PAK1IP1: variants seen among roughly 807,000 people sequenced by gnomAD.
The protein encoded by PAK1IP1 is p21-activated protein kinase-interacting protein 1.
PAK1IP1 carries 24 observed loss-of-function variants against 42.0 expected under a neutral mutation model. That is an observed-to-expected ratio of 0.57 (90% confidence interval 0.41 to 0.80). The LOEUF (loss-of-function observed/expected upper bound fraction) is 0.80, where lower values mean the gene tolerates loss of function less well. PAK1IP1 is among the 30% of genes least tolerant of loss of function. The pLI is 0.00. For synonymous variants in PAK1IP1, 154 were observed against 156.7 expected (o/e 0.98, Z 0.13); for missense variants, 411 against 467.9 (o/e 0.88, Z 1.12).
Position 10,709,051 on chromosome 6 carries a change from T to G in PAK1IP1, c.939T>G (p.Leu313=). 6.2e-7 allele frequency: 1 copy of G among 1,613,632 alleles called. No homozygotes were observed. The part of the protein sequence containing the change: ...LDKVADMKES[L]PPAAEPSPVS... The stretch of plus-strand genomic sequence containing the variant: ...AAGTGGCAGACATGAAAGAAAGCCT[T>G]CCTCCAGCTGCAGAGCCTTCTCCTG... Residue 313 remains leucine (L), a synonymous_variant, in exon 9 of 10, where the codon CTT becomes CTG. Transcript: ENST00000379568.
chr6:10,691,433 A>C (rs984927951), upstream of PAK1IP1, among the ~76,000 whole-genome samples: 1 of 152,098 alleles, frequency 6.6e-6, no homozygotes, highest in Non-Finnish European at 1.5e-5. Flanking sequence ...ATGCACCGGT[A>C]ATTAGAACGG....
rs1010272472 is a variant in PAK1IP1, at chr6:10,709,675, T to C, written c.*223T>C. The C allele has an allele frequency of 2.0e-5, 6 of 302,144 alleles. No individual in the cohort carries two copies. Among genetic ancestry groups the C allele is most frequent in the Non-Finnish European group, 2.9e-5 (5 of 172,682 alleles). The allele number at this position is 302,144 out of a possible 1,614,324, so 18.7% of individuals were successfully genotyped here. On this transcript the variant is annotated 3_prime_UTR_variant, in exon 10 of 10. Coordinates refer to ENST00000379568, the MANE Select transcript of PAK1IP1 (RefSeq NM_017906.3). ...TTATGAATTATGTATCATGTTGATA[T>C]ATAATATGTTAATGTGTCATGTAAT...
intron 2 of PAK1IP1, among the ~76,000 whole-genome samples, chr6:10,701,051 TTTTC>T (rs1466309014): frequency 4.0e-5 from 6 of 151,844 alleles, no homozygotes; most frequent in Non-Finnish European, 8.8e-5. Flanking sequence ...TGGTGTTTGG[TTTTC>T]TTTTTCTTTT....
upstream of PAK1IP1, chr6:10,694,437 G>A (rs905418538): frequency 6.5e-6 from 1 of 154,464 alleles, no homozygotes; most frequent in African/African-American, 2.4e-5. Context: ...TCAAGGCAGC[G>A]CGAGCGCTGC....
Position 10,709,593 on chromosome 6 carries a change from T to A in PAK1IP1, c.*141T>A. 2.6e-6 allele frequency: 1 copy of A among 384,734 alleles called. No homozygotes were observed. Among genetic ancestry groups the A allele is most frequent in the Non-Finnish European group, 4.3e-6 (1 of 234,158 alleles). 23.8% of individuals were successfully genotyped at this position (384,734 alleles called of 1,614,324 possible). A position where few individuals can be genotyped will look rare whatever the true frequency, so the allele number is the denominator to read the frequency against. ...TATATATTAAAAAACCACTTTTAGATGGTTTTTTTTAAAAAAAAAAAAAAA... is the reference window on the plus strand; with the variant it reads ...TATATATTAAAAAACCACTTTTAGAAGGTTTTTTTTAAAAAAAAAAAAAAA... On this transcript the variant is annotated 3_prime_UTR_variant, in exon 10 of 10. Transcript: ENST00000379568.
At chr6:10,694,922 T>A (rs1403450509), upstream of PAK1IP1, 1 of 872,222 alleles carries the variant, frequency 1.1e-6, no homozygotes, top group Non-Finnish European at 1.7e-6. Context: ...TTTTTTTTTT[T>A]GGTTTCCGGT....
intron 5 of PAK1IP1, among the ~76,000 whole-genome samples, chr6:10,704,197 T>A (rs1471074774): frequency 2.0e-5 from 3 of 151,968 alleles, no homozygotes; most frequent in African/African-American, 7.2e-5. Context: ...ATTTTTTGTA[T>A]TTTTTGGTAG....
At chr6:10,693,790 G>C (rs1282285943), upstream of PAK1IP1, among the ~76,000 whole-genome samples, 1 of 152,146 alleles carries the variant, frequency 6.6e-6, no homozygotes, top group Non-Finnish European at 1.5e-5. Context: ...ATGCAGTGGA[G>C]CGATCTCGGC....
chr6:10,698,194 C>A (rs545956913), intron 2 of PAK1IP1, among the ~76,000 whole-genome samples: 4 of 151,438 alleles, frequency 2.6e-5, no homozygotes, highest in South Asian at 2.1e-4. Context: ...GAAGAGAACA[C>A]CTAGTTTCAA....
At position 10,709,495 on chromosome 6, in the gene PAK1IP1, TCTA is replaced by T. The variant is rs1770315158; in HGVS notation, c.*46_*48del. The T allele has an allele frequency of 1.4e-6, 2 of 1,384,148 alleles. No individual in the cohort carries two copies. Among genetic ancestry groups the T allele is most frequent in the Non-Finnish European group, 2.0e-6 (2 of 1,011,096 alleles). 85.7% of individuals were successfully genotyped at this position (1,384,148 alleles called of 1,614,324 possible). A position where few individuals can be genotyped will look rare whatever the true frequency, so the allele number is the denominator to read the frequency against. On this transcript the variant is annotated 3_prime_UTR_variant, in exon 10 of 10. Coordinates refer to ENST00000379568, the MANE Select transcript of PAK1IP1 (RefSeq NM_017906.3). ...AAAGAACTCTTTTAGATGAAATCAT[TCTA>T]CTCAAATGTACCTTAATTTTTTTTT... is the stretch of plus-strand genomic sequence containing the variant.
intron 7 of PAK1IP1, 21 bp from the exon 8 acceptor site, chr6:10,707,394 G>T (rs750380996): frequency 9.6e-6 from 12 of 1,254,956 alleles, no homozygotes; most frequent in Non-Finnish European, 1.2e-5. Context: ...ATCTTTTATG[G>T]TGTTAATATT....
At position 10,695,062 on chromosome 6, in the gene PAK1IP1, A is replaced by G. The variant is rs1339009310; in HGVS notation, c.77A>G (p.Asp26Gly). ...CACCCGGAGCCCGAGGCTTGCGGCG[A>G]CCACGAGGTGAGATACCGCGTAGTT... ...AVHPEPEACG[D>G]HEQWTLVADF... The change falls in exon 1 of 10, where the codon GAC becomes GGC. Residue 26 changes from aspartate to glycine, a missense_variant. Asp to Gly is a moderately conservative substitution (Grantham distance 94, BLOSUM62 -1). Transcript: ENST00000379568. 3 of 1,595,318 alleles carry G rather than the reference A, an allele frequency of 1.9e-6. No individual in the cohort carries two copies. The highest frequency in any genetic ancestry group is 1.3e-5 in the African/African-American group (1 of 74,618).
At chr6:10,692,718 G>A (rs930385760), upstream of PAK1IP1, among the ~76,000 whole-genome samples, 1 of 152,010 alleles carries the variant, frequency 6.6e-6, no homozygotes, top group African/African-American at 2.4e-5. Flanking sequence ...CACTGCGTCT[G>A]GCCATTTTAT....
chr6:10,693,462 C>T (rs1199778545), upstream of PAK1IP1, among the ~76,000 whole-genome samples: 1 of 152,224 alleles, frequency 6.6e-6, no homozygotes, highest in African/African-American at 2.4e-5. Flanking sequence ...TTCTGCAAGA[C>T]CCAAACTAGC....
At chr6:10,707,565 A>C (rs757744919) in intron 8 of PAK1IP1, 51 bp downstream of exon 8, 2 of 1,131,432 alleles carry the variant, frequency 1.8e-6, no homozygotes, top group African/African-American at 3.1e-5. Flanking sequence ...TCTTGCTCAT[A>C]AGTGAGGTGG....
upstream of PAK1IP1, among the ~76,000 whole-genome samples, chr6:10,693,905 T>C (rs1417446113): frequency 6.6e-6 from 1 of 152,088 alleles, no homozygotes; most frequent in Admixed American, 6.5e-5. Context: ...ATTTATAACA[T>C]TTTTGTAGAG....
At chr6:10,708,041 C>CTTTTTTTTTTTTTTTTT (rs34074813) in intron 8 of PAK1IP1, among the ~76,000 whole-genome samples, 1 of 92,300 alleles carries the variant, frequency 1.1e-5, no homozygotes. Context: ...TTAGAATTTT[C>CTTTTTTTTTTTTTTTTT]TTTTTTTTTT....
Position 10,704,633 on chromosome 6 carries a change from C to T in PAK1IP1, c.623C>T (p.Ser208Phe), listed in dbSNP as rs374642668. 1.1e-5 allele frequency: 17 copies of T among 1,612,038 alleles called. No homozygotes were observed. The highest frequency in any genetic ancestry group is 1.7e-5 in the Admixed American group (1 of 59,848). ...SGTITNEKRI[S>F]SVKFLSESVL... ...ACCATCACAAATGAAAAGAGAATTT[C>T]CTCTGTTAAATTTCTTTCAGTAAGT... The change falls in exon 6 of 10, where the codon TCC becomes TTC. Residue 208 changes from serine (S) to phenylalanine (F), a missense_variant. By Grantham distance (155) the Ser-to-Phe change is radical. Transcript: ENST00000379568.
chr6:10,697,583 C>T (rs1769897660), intron 2 of PAK1IP1, 97 bp downstream of exon 2: 1 of 953,608 alleles, frequency 1.0e-6, no homozygotes, highest in Non-Finnish European at 1.6e-6. Context: ...ATAGCAGATT[C>T]TTTGCTAGAA....
Sources: allele counts gnomAD v4.1 joint callset (sites outside exome capture counted in the v4.1 genomes callset), GRCh38; gene constraint gnomAD v4.1.1; transcripts MANE v1.5; gene names NCBI Gene and HGNC (gene_info 2026-07-23, HGNC 2026-07-21).